The following NDUFAF2 variants were observed in gnomAD, a reference collection of about 807,000 sequenced individuals.
The protein encoded by NDUFAF2 is NADH dehydrogenase [ubiquinone] 1 alpha subcomplex assembly factor 2.
NDUFAF2 carries 13 observed loss-of-function variants against 22.8 expected under a neutral mutation model. The observed-to-expected ratio is 0.57, with a 90% CI of 0.37 to 0.91. The LOEUF (loss-of-function observed/expected upper bound fraction) is 0.91, where lower values mean the gene tolerates loss of function less well. Among genes scored for constraint, NDUFAF2 ranks in the 40% least tolerant of loss-of-function variants. NDUFAF2 has a pLI of 0.01. For synonymous variants in NDUFAF2, 53 were observed against 64.2 expected, an observed-to-expected ratio of 0.83 and a Z score of 0.84; for missense variants, 162 against 195.2, an observed-to-expected ratio of 0.83 and a Z score of 1.01.
chr5:61,025,274 G>A (rs1236041615), intron 1 of NDUFAF2, among the ~76,000 whole-genome samples: 1 of 151,888 alleles, frequency 6.6e-6, no homozygotes, highest in Non-Finnish European at 1.5e-5. Context: ...TGAATGAATC[G>A]ATAATTGTGA....
intron 3 of NDUFAF2, among the ~76,000 whole-genome samples, chr5:61,140,758 A>G (rs1485852903): frequency 6.6e-6 from 1 of 152,206 alleles, no homozygotes; most frequent in African/African-American, 2.4e-5. Flanking sequence ...CCTGTATACC[A>G]TATGAACCAC....
chr5:60,955,503 G>A (rs1031243068), intron 1 of NDUFAF2, among the ~76,000 whole-genome samples: 3 of 152,100 alleles, frequency 2.0e-5, no homozygotes, highest in Admixed American at 6.5e-5. Flanking sequence ...ACAGTGTGAT[G>A]CGTCCAGATT....
rs544636503 is a variant in NDUFAF2, at chr5:60,977,332, G to T, written c.127+31950G>T. Among the ~76,000 whole-genome samples the T allele has an allele frequency of 3.9e-5, 6 of 152,110 alleles. No individual in the cohort carries two copies. The South Asian group carries it at 1.2e-3, about 32-fold the overall frequency. On this transcript the variant is annotated intron_variant, in intron 1 of 3. Transcript: ENST00000296597. ...CAGTCCTGGCTACTCTGGAGGCTGG[G>T]GTGTTGGGATTGTTTGAGCCCAGGA...
intron 1 of NDUFAF2, among the ~76,000 whole-genome samples, chr5:61,031,289 A>G (rs1751723010): frequency 6.6e-6 from 1 of 152,008 alleles, no homozygotes; most frequent in Non-Finnish European, 1.5e-5. Context: ...ATTTCTTGTA[A>G]TGCTATTCCT....
chr5:61,076,618 G>C (rs749965790), intron 2 of NDUFAF2, among the ~76,000 whole-genome samples: 1 of 152,204 alleles, frequency 6.6e-6, no homozygotes, highest in African/African-American at 2.4e-5. Context: ...AATCTGGGGG[G>C]CCTTGTAGGC....
chr5:61,103,452 C>T (rs1172719586), intron 3 of NDUFAF2, among the ~76,000 whole-genome samples: 2 of 152,002 alleles, frequency 1.3e-5, no homozygotes, highest in Non-Finnish European at 2.9e-5. Flanking sequence ...GGTATAACTA[C>T]ACTGCTGTGT....
intron 1 of NDUFAF2, among the ~76,000 whole-genome samples, chr5:61,071,251 AG>A (rs1752296063): frequency 6.6e-6 from 1 of 152,152 alleles, no homozygotes. Flanking sequence ...GGGTAAGATA[AG>A]CAAAAGGTAA....
In NDUFAF2 at chr5:60,945,309, A is replaced by C. The variant is rs760999419; in HGVS notation, c.54A>C (p.Glu18Asp). Residue 18 changes from glutamate (E) to aspartate (D), a missense_variant, in exon 1 of 4, where the codon GAA (glutamate) becomes GAC (aspartate). Coordinates refer to ENST00000296597, the MANE Select transcript of NDUFAF2 (RefSeq NM_174889.5). Reference sequence around the variant, plus strand: ...CCTTGTGGAGATCGCTGTCAAGGGAAGTGAAGGAGCACGTGGGCACGGACC... The same window carrying C: ...CCTTGTGGAGATCGCTGTCAAGGGACGTGAAGGAGCACGTGGGCACGGACC... The part of the protein sequence containing the change: ...FRALWRSLSR[E>D]VKEHVGTDQF... 9 of 1,613,904 alleles carry C rather than the reference A, an allele frequency of 5.6e-6. No homozygotes were observed. The highest frequency in any genetic ancestry group is 3.3e-4 in the Middle Eastern group (2 of 6,070).
At chr5:60,986,175 CAA>C (rs1302492186) in intron 1 of NDUFAF2, among the ~76,000 whole-genome samples, 4 of 152,120 alleles carry the variant, frequency 2.6e-5, no homozygotes, top group African/African-American at 9.7e-5. Context: ...ATCAGTATAT[CAA>C]AGAGATGTCT....
At chr5:61,027,834 C>G (rs1157513674) in intron 1 of NDUFAF2, among the ~76,000 whole-genome samples, 3 of 151,810 alleles carry the variant, frequency 2.0e-5, no homozygotes, top group Admixed American at 2.0e-4. Context: ...TCTCTTTTAG[C>G]TTGTTGTCCC....
At chr5:61,028,992 A>G (rs566165756) in intron 1 of NDUFAF2, among the ~76,000 whole-genome samples, 4 of 152,090 alleles carry the variant, frequency 2.6e-5, no homozygotes, top group Admixed American at 2.6e-4. Context: ...TTGCCGTCTT[A>G]TGGAACTCTG....
chr5:61,034,772 AAAT>A (rs1184816864), intron 1 of NDUFAF2, among the ~76,000 whole-genome samples: 1 of 152,186 alleles, frequency 6.6e-6, no homozygotes, highest in Non-Finnish European at 1.5e-5. Flanking sequence ...CAAATTAGTA[AAAT>A]ATAATACCAG....
At chr5:61,057,240 C>A (rs1752111325) in intron 1 of NDUFAF2, among the ~76,000 whole-genome samples, 1 of 152,006 alleles carries the variant, frequency 6.6e-6, no homozygotes, top group South Asian at 2.1e-4. Context: ...CCTTTCTGAA[C>A]ACTGGAAGCA....
At chr5:60,948,736 G>A (rs1750500131) in intron 1 of NDUFAF2, among the ~76,000 whole-genome samples, 1 of 152,032 alleles carries the variant, frequency 6.6e-6, no homozygotes, top group Non-Finnish European at 1.5e-5. Context: ...CTAGTTAGGG[G>A]TTATTACAAA....
chr5:60,955,139 T>C (rs959388220), intron 1 of NDUFAF2, among the ~76,000 whole-genome samples: 4 of 152,198 alleles, frequency 2.6e-5, no homozygotes, highest in Non-Finnish European at 5.9e-5. Flanking sequence ...AAGAAATCAT[T>C]GCCAAAGCCA....
At chr5:61,005,493 G>T (rs1413110993) in intron 1 of NDUFAF2, among the ~76,000 whole-genome samples, 1 of 152,138 alleles carries the variant, frequency 6.6e-6, no homozygotes, top group Non-Finnish European at 1.5e-5. Context: ...TCTAGTTCTA[G>T]ATCCGTGAGG....
At chr5:61,086,296 CT>C (rs1046362473) in intron 2 of NDUFAF2, among the ~76,000 whole-genome samples, 1 of 152,040 alleles carries the variant, frequency 6.6e-6, no homozygotes, top group African/African-American at 2.4e-5. Context: ...TACTAACAGC[CT>C]TTTTGGAATT....
intron 3 of NDUFAF2, 112 bp downstream of exon 3, chr5:61,099,144 G>A (rs374872863): frequency 3.7e-6 from 2 of 537,814 alleles, no homozygotes; most frequent in East Asian, 3.4e-5. Context: ...TTCCATCACA[G>A]AAAATAACTT....
At chr5:60,968,101 T>C (rs1384617386) in intron 1 of NDUFAF2, among the ~76,000 whole-genome samples, 1 of 151,936 alleles carries the variant, frequency 6.6e-6, no homozygotes, top group Non-Finnish European at 1.5e-5. Context: ...ATATATTTAT[T>C]CTAGGTTATA....
Sources: allele counts gnomAD v4.1 joint callset (sites outside exome capture counted in the v4.1 genomes callset), GRCh38; gene constraint gnomAD v4.1.1; transcripts MANE v1.5; gene names NCBI Gene and HGNC (gene_info 2026-07-23, HGNC 2026-07-21).